PCDH15: variants seen among roughly 807,000 people sequenced by gnomAD.
PCDH15 encodes protocadherin-15.
In PCDH15, 129 loss-of-function variants were observed where a neutral mutation model predicts 178.5. The observed-to-expected ratio is 0.72, with a 90% confidence interval of 0.63 to 0.84. PCDH15 has a LOEUF of 0.84. Among genes scored for constraint, PCDH15 ranks in the 40% least tolerant of loss-of-function variants. The probability of loss-of-function intolerance (pLI) is 0.00; values close to 1 mark genes in which losing one functional copy is unlikely to be tolerated. For missense variants in PCDH15, 2,230 were observed against 2,099.9 expected, an observed-to-expected ratio of 1.06 and a Z score of -1.21; for synonymous variants, 800 against 732.0, an observed-to-expected ratio of 1.09 and a Z score of -1.50.
chr10:54,732,529 C>T (rs1943551426), intron 1 of PCDH15, among the ~76,000 whole-genome samples: 1 of 151,426 alleles, frequency 6.6e-6, no homozygotes, highest in South Asian at 2.1e-4. Flanking sequence ...TTTAGTCAAG[C>T]AATTAGATTT....
chr10:55,263,963 G>T (rs1030608709), intron 1 of PCDH15, among the ~76,000 whole-genome samples: 6 of 148,292 alleles, frequency 4.0e-5, no homozygotes, highest in African/African-American at 1.5e-4. Context: ...CTCGATCTCC[G>T]GACCTCGTGA....
At chr10:54,912,223 C>A (rs1486364391) in intron 2 of PCDH15, among the ~76,000 whole-genome samples, 2 of 151,122 alleles carry the variant, frequency 1.3e-5, no homozygotes, top group South Asian at 2.1e-4. Flanking sequence ...AAGTATTTAC[C>A]AGTAATATGA....
In PCDH15 at chr10:54,512,407, T is replaced by C. The variant is rs944223652; in HGVS notation, c.157+15405A>G. Among the ~76,000 whole-genome samples the C allele has an allele frequency of 8.8e-5, 9 of 102,370 alleles. No homozygotes were observed. The South Asian group carries it at 2.3e-3, about 27-fold the overall frequency. The allele number at this position is 102,370 out of a possible 152,430, so 67.2% of individuals were successfully genotyped here. ...TGTGTGTGTGTGTGTGTGTGTATTA[T>C]TGGGGGATGATGCGTATATGTCTAC... On this transcript the variant is annotated intron_variant, in intron 3 of 37. Transcript: ENST00000644397.
rs1474918516 is a variant in PCDH15, at chr10:54,622,710, TATATATA to T, written c.91+41455_91+41461del. On this transcript the variant is annotated intron_variant, in intron 2 of 37. Transcript: ENST00000644397. ...TATATAATATATATTTTCTATATAT[TATATATA>T]ATATATATTATATAATTATATATAT... Among the ~76,000 whole-genome samples, 102 of 100,472 alleles carry T rather than the reference TATATATA, an allele frequency of 1.0e-3. 1 individual carries two copies. Among genetic ancestry groups the T allele is most frequent in the African/African-American group, 4.0e-3 (97 of 24,142 alleles). The allele number at this position is 100,472 out of a possible 152,430, so 65.9% of individuals were successfully genotyped here. A position where few individuals can be genotyped will look rare whatever the true frequency, so the allele number is the denominator to read the frequency against.
rs1003061529 is a variant in PCDH15, at chr10:53,931,520, C to T, written c.3373+7295G>A. Among the ~76,000 whole-genome samples the T allele has an allele frequency of 5.9e-5, 9 of 152,234 alleles. No individual in the cohort carries two copies. In the East Asian group the frequency reaches 1.2e-3, roughly 20 times the overall value. On this transcript the variant is annotated intron_variant, in intron 25 of 37. Transcript: ENST00000644397. ...AAACAGATACAAACTTCTGTCGTTG[C>T]GCAGACTAAATCCATTTTAACAATA...
chr10:54,384,339 A>C (rs916813202), intron 3 of PCDH15, among the ~76,000 whole-genome samples: 1 of 142,566 alleles, frequency 7.0e-6, no homozygotes, highest in South Asian at 2.3e-4. Flanking sequence ...TTTTTTTTTT[A>C]ACTAAAACTT....
chr10:55,554,226 T>C (rs1223748970), intron 2 of PCDH15, among the ~76,000 whole-genome samples: 2 of 152,084 alleles, frequency 1.3e-5, no homozygotes, highest in African/African-American at 4.8e-5. Context: ...CAACATTTTC[T>C]AGTCTCAATT....
chr10:54,787,575 C>T (rs980894085), intron 1 of PCDH15, among the ~76,000 whole-genome samples: 4 of 151,946 alleles, frequency 2.6e-5, no homozygotes, highest in African/African-American at 9.7e-5. Flanking sequence ...AAAAGTGACT[C>T]TTCTCCAGGC....
intron 2 of PCDH15, among the ~76,000 whole-genome samples, chr10:55,009,912 C>G (rs1240494612): frequency 6.6e-6 from 1 of 152,142 alleles, no homozygotes; most frequent in Non-Finnish European, 1.5e-5. Flanking sequence ...AGCATCCTGC[C>G]TTGGAAAACT....
At chr10:53,810,248 A>C (rs1217994099) in intron 37 of PCDH15, among the ~76,000 whole-genome samples, 3 of 152,198 alleles carry the variant, frequency 2.0e-5, no homozygotes, top group Non-Finnish European at 4.4e-5. Flanking sequence ...TGTATTGCAG[A>C]ACTTTAAAAT....
chr10:54,169,331 G>A (rs1295586971), intron 13 of PCDH15, among the ~76,000 whole-genome samples: 6 of 92,174 alleles, frequency 6.5e-5, no homozygotes, highest in East Asian at 4.0e-4. Flanking sequence ...TAATCAATAC[G>A]GAGGCTACCC....
intron 8 of PCDH15, among the ~76,000 whole-genome samples, chr10:54,257,574 G>A (rs895104213): frequency 6.6e-6 from 1 of 152,012 alleles, no homozygotes; most frequent in Non-Finnish European, 1.5e-5. Context: ...AGCAAATGAT[G>A]AGATTTTTTA....
chr10:55,428,556 ATATC>A (rs1401320918), intron 2 of PCDH15, among the ~76,000 whole-genome samples: 1 of 151,520 alleles, frequency 6.6e-6, no homozygotes, highest in Non-Finnish European at 1.5e-5. Context: ...TTCTTTCTCT[ATATC>A]TATAATTATC....
intron 1 of PCDH15, among the ~76,000 whole-genome samples, chr10:54,755,312 C>T (rs572068998): frequency 5.9e-5 from 9 of 152,072 alleles, no homozygotes; most frequent in East Asian, 1.9e-4. Flanking sequence ...CAGTATAGTA[C>T]GGGAAATAAT....
At chr10:55,444,690 A>G (rs778781834) in intron 2 of PCDH15, among the ~76,000 whole-genome samples, 1 of 152,176 alleles carries the variant, frequency 6.6e-6, no homozygotes, top group Non-Finnish European at 1.5e-5. Flanking sequence ...AGAAATCTAA[A>G]TCCAGCTCTG....
At chr10:55,014,187 A>G (rs1840115450) in intron 2 of PCDH15, among the ~76,000 whole-genome samples, 1 of 152,110 alleles carries the variant, frequency 6.6e-6, no homozygotes, top group Admixed American at 6.5e-5. Flanking sequence ...CAAAGGGAGG[A>G]ATACACCTTG....
At chr10:54,340,257 C>G (rs1398272605) in intron 6 of PCDH15, among the ~76,000 whole-genome samples, 1 of 152,016 alleles carries the variant, frequency 6.6e-6, no homozygotes, top group Non-Finnish European at 1.5e-5. Flanking sequence ...CAAGTGGTCT[C>G]TTTTTATTGT....
At chr10:54,077,935 T>C (rs2094370394) in intron 17 of PCDH15, among the ~76,000 whole-genome samples, 1 of 152,110 alleles carries the variant, frequency 6.6e-6, no homozygotes, top group South Asian at 2.1e-4. Context: ...TGGTATCATA[T>C]GCCTGTAATT....
chr10:54,321,472 C>T (rs1263840634), intron 7 of PCDH15, among the ~76,000 whole-genome samples: 1 of 151,402 alleles, frequency 6.6e-6, no homozygotes, highest in African/African-American at 2.4e-5. Flanking sequence ...GATATAAACA[C>T]ACATATATAT....
Sources: gnomAD v4.1 joint callset for allele counts (sites outside exome capture counted in the v4.1 genomes callset) on GRCh38, gnomAD v4.1.1 for gene constraint, MANE v1.5 for transcripts, NCBI Gene and HGNC (gene_info 2026-07-23, HGNC 2026-07-21) for gene names.